FAM78B: variants seen among roughly 807,000 people sequenced by gnomAD.
FAM78B encodes the protein protein FAM78B.
Under a neutral mutation model 20.0 loss-of-function variants are expected in FAM78B, and 10 were observed. The ratio of observed to expected loss-of-function variants is 0.50; its 90% CI spans 0.31 to 0.85. The LOEUF is 0.85. FAM78B is among the 40% of genes least tolerant of loss of function. The pLI, the probability that FAM78B is intolerant of heterozygous loss-of-function variation, is 0.05. For missense variants in FAM78B, 283 were observed against 345.0 expected (o/e 0.82, Z 1.42); for synonymous variants, 135 against 132.8 (o/e 1.02, Z -0.12).
At chr1:166,132,115 A>G (rs1310410272) in intron 1 of FAM78B, among the ~76,000 whole-genome samples, 1 of 152,232 alleles carries the variant, frequency 6.6e-6, no homozygotes, top group Non-Finnish European at 1.5e-5. Flanking sequence ...GGCTATGAAG[A>G]CTGGAAACAT....
Position 166,166,176 on chromosome 1 carries a change from C to A in FAM78B, c.73G>T (p.Ala25Ser). Residue 25 changes from alanine to serine, a missense_variant, in exon 1 of 2, where the codon GCC (alanine) becomes TCC (serine). By Grantham distance (99) the Ala-to-Ser change is moderately conservative (BLOSUM62 1). Transcript: ENST00000354422. ...RENIVVYDVC[A>S]TIDQCPTRIE... ...CGCGTGGGGCACTGGTCGATGGTGG[C>A]GCACACATCGTACACCACGATGTTC... is the stretch of plus-strand genomic sequence containing the variant. The A allele has an allele frequency of 6.3e-7, 1 of 1,599,590 alleles. No homozygotes were observed. The highest frequency in any genetic ancestry group is 8.5e-7 in the Non-Finnish European group (1 of 1,173,028).
chr1:166,066,006 C>A (rs996939920), downstream of FAM78B, among the ~76,000 whole-genome samples: 2 of 152,176 alleles, frequency 1.3e-5, no homozygotes, highest in African/African-American at 4.8e-5. Flanking sequence ...ATTGTGCCCT[C>A]AGTTCTAACA....
At chr1:166,056,293 G>C (rs1557882224), downstream of FAM78B, among the ~76,000 whole-genome samples, 1 of 140,742 alleles carries the variant, frequency 7.1e-6, no homozygotes, top group Non-Finnish European at 1.5e-5. Flanking sequence ...TGTAGAGAGA[G>C]AGAGAGAATA....
intron 1 of FAM78B, among the ~76,000 whole-genome samples, chr1:166,160,351 C>G (rs767272723): frequency 2.0e-5 from 3 of 152,236 alleles, no homozygotes; most frequent in Non-Finnish European, 4.4e-5. Flanking sequence ...GCAGGTGGAA[C>G]AGTGCCACAA....
intron 1 of FAM78B, among the ~76,000 whole-genome samples, chr1:166,108,280 A>G (rs1028303319): frequency 3.9e-5 from 6 of 152,192 alleles, no homozygotes; most frequent in Admixed American, 3.3e-4. Context: ...AGAACTGATA[A>G]AAGAATTCAG....
intron 1 of FAM78B, among the ~76,000 whole-genome samples, chr1:166,126,273 T>C (rs1029867030): frequency 1.3e-5 from 2 of 152,216 alleles, no homozygotes; most frequent in African/African-American, 2.4e-5. Flanking sequence ...TTGACAGTTA[T>C]GATTAAGTAC....
At chr1:166,150,045 C>G (rs7551664) in intron 1 of FAM78B, among the ~76,000 whole-genome samples, 136,177 of 152,206 alleles carry the variant, frequency 0.89, 62,004 homozygotes, top group Non-Finnish European at 0.99. Context: ...GCAGAGAAAC[C>G]TGGAGCTAGC....
chr1:166,077,650 T>C (rs1045118855), intron 1 of FAM78B, among the ~76,000 whole-genome samples: 10 of 127,134 alleles, frequency 7.9e-5, no homozygotes, highest in Admixed American at 4.2e-4. Context: ...TATTTATATA[T>C]AAATTATAAT....
At chr1:166,117,699 T>C (rs1260397484) in intron 1 of FAM78B, among the ~76,000 whole-genome samples, 3 of 152,212 alleles carry the variant, frequency 2.0e-5, no homozygotes, top group Middle Eastern at 3.2e-3. Context: ...GTCTCACTGG[T>C]CTGAAAGAAT....
At chr1:166,142,780 G>A (rs1044959556) in intron 1 of FAM78B, among the ~76,000 whole-genome samples, 5 of 152,342 alleles carry the variant, frequency 3.3e-5, no homozygotes, top group Middle Eastern at 6.8e-3. Flanking sequence ...CGTAAAAAGT[G>A]GGCTAGTCTT....
intron 1 of FAM78B, among the ~76,000 whole-genome samples, chr1:166,162,694 AG>A (rs2101807952): frequency 6.6e-6 from 1 of 152,322 alleles, no homozygotes; most frequent in Non-Finnish European, 1.5e-5. Context: ...TGTCTGGTCA[AG>A]ATCTGACTTT....
intron 1 of FAM78B, among the ~76,000 whole-genome samples, chr1:166,090,349 C>T (rs1369159014): frequency 1.3e-5 from 2 of 152,148 alleles, no homozygotes; most frequent in African/African-American, 2.4e-5. Context: ...GACACATGAA[C>T]CTTCTCAGGT....
chr1:166,156,187 G>A (rs990556748), intron 1 of FAM78B, among the ~76,000 whole-genome samples: 2 of 152,224 alleles, frequency 1.3e-5, no homozygotes, highest in African/African-American at 4.8e-5. Context: ...CCCTGTTGAT[G>A]TGCCATCCTT....
downstream of FAM78B, among the ~76,000 whole-genome samples, chr1:166,068,793 A>T (rs1413044717): frequency 6.6e-6 from 1 of 152,180 alleles, no homozygotes; most frequent in Non-Finnish European, 1.5e-5. Flanking sequence ...AAGCAAATAT[A>T]TATACAACCA....
chr1:166,132,031 A>G (rs1016300015), intron 1 of FAM78B, among the ~76,000 whole-genome samples: 1 of 152,220 alleles, frequency 6.6e-6, no homozygotes, highest in Admixed American at 6.5e-5. Context: ...AGGCCATATA[A>G]AAGGCAAGGC....
In FAM78B at chr1:166,070,343, G is replaced by A; in HGVS notation, c.684C>T (p.Pro228=). 1.9e-6 allele frequency: 3 copies of A among 1,611,752 alleles called. No homozygotes were observed. The highest frequency in any genetic ancestry group is 2.5e-6 in the Non-Finnish European group (3 of 1,178,622). ...GTTTCACTAGTGCATTAGGGGGGAT[G>A]GGTTCCATCCGGCTCAGGATCCGGG... ...EQPRILSRME[P]IPPNALVKPN... Residue 228 remains proline (P), a synonymous_variant, in exon 2 of 2, where the codon CCC becomes CCT. Coordinates refer to ENST00000354422, the MANE Select transcript of FAM78B (RefSeq NM_001017961.5).
At chr1:166,073,548 T>C (rs1652140101) in intron 1 of FAM78B, among the ~76,000 whole-genome samples, 1 of 149,780 alleles carries the variant, frequency 6.7e-6, no homozygotes, top group Non-Finnish European at 1.5e-5. Flanking sequence ...TTTTTTTTTT[T>C]TTTCCAAAAG....
intron 1 of FAM78B, among the ~76,000 whole-genome samples, chr1:166,147,160 G>A (rs955976597): frequency 1.1e-4 from 17 of 152,304 alleles, no homozygotes; most frequent in Non-Finnish European, 2.1e-4. Flanking sequence ...GTGCAGCAGT[G>A]GACACAGGGA....
intron 2 of FAM78B, among the ~76,000 whole-genome samples, chr1:166,061,431 T>C (rs1256353482): frequency 6.6e-6 from 1 of 152,194 alleles, no homozygotes; most frequent in African/African-American, 2.4e-5. Flanking sequence ...AATTTTATGA[T>C]TATAAATTAA....
Sources: gnomAD v4.1 joint callset for allele counts (sites outside exome capture counted in the v4.1 genomes callset) on GRCh38, gnomAD v4.1.1 for gene constraint, MANE v1.5 for transcripts, NCBI Gene and HGNC (gene_info 2026-07-23, HGNC 2026-07-21) for gene names.